Variants in ADCY5 observed in about 807,000 individuals in gnomAD.
ADCY5 encodes the protein adenylate cyclase type 5.
ADCY5 carries 30 observed loss-of-function variants against 119.7 expected under a neutral mutation model. The observed-to-expected ratio is 0.25, with a 90% CI of 0.19 to 0.34. The LOEUF (loss-of-function observed/expected upper bound fraction) is 0.34. Ranked by LOEUF, ADCY5 falls within the 10% of genes least tolerant of loss-of-function variation. ADCY5 has a pLI of 1.00. For synonymous variants in ADCY5, 753 were observed against 762.2 expected, an observed-to-expected ratio of 0.99 and a Z score of 0.20; for missense variants, 1,324 against 1,775.2, an observed-to-expected ratio of 0.75 and a Z score of 4.57.
intron 5 of ADCY5, 29 bp downstream of exon 5, chr3:123,330,860 G>C: frequency 2.5e-6 from 4 of 1,592,308 alleles, no homozygotes; most frequent in Non-Finnish European, 2.6e-6. Flanking sequence ...CCCAGGGAGG[G>C]AGACGGTACC....
intron 20 of ADCY5, among the ~76,000 whole-genome samples, chr3:123,285,552 G>A (rs1576517753): frequency 6.6e-6 from 1 of 152,344 alleles, no homozygotes; most frequent in Admixed American, 6.5e-5. Flanking sequence ...GCCCACCAGT[G>A]AGTGCAAGTG....
intron 1 of ADCY5, among the ~76,000 whole-genome samples, chr3:123,401,248 GT>G (rs1944743733): frequency 6.6e-6 from 1 of 152,164 alleles, no homozygotes; most frequent in African/African-American, 2.4e-5. Flanking sequence ...GCTCTAACAT[GT>G]CCGGGTAGGT....
intron 17 of ADCY5, among the ~76,000 whole-genome samples, chr3:123,292,919 C>A (rs1939246057): frequency 6.6e-6 from 1 of 152,174 alleles, no homozygotes; most frequent in Non-Finnish European, 1.5e-5. Flanking sequence ...ACAGCATCAG[C>A]CCAAAGTGTC....
rs1429944947 is a variant in ADCY5, at chr3:123,447,782, A to T, written c.764T>A (p.Val255Asp). ...CCGCGCCGCGTGGAAGGCCAACATG[A>T]CCAGGCACACGAGCACCAGCACGGC... ...LMAVLVLVCLVMLAFHAARPP... is the reference protein window; with the variant it reads ...LMAVLVLVCLDMLAFHAARPP... Residue 255 changes from valine (V) to aspartate (D), a missense_variant, in exon 1 of 21, where the codon GTC (valine) becomes GAC (aspartate). Transcript: ENST00000462833. 10 of 1,610,652 alleles carry T rather than the reference A, an allele frequency of 6.2e-6. No individual in the cohort carries two copies. Among genetic ancestry groups the T allele is most frequent in the African/African-American group, 1.3e-5 (1 of 74,800 alleles).
At chr3:123,429,431 T>G (rs1417763441) in intron 1 of ADCY5, among the ~76,000 whole-genome samples, 1 of 152,072 alleles carries the variant, frequency 6.6e-6, no homozygotes, top group Non-Finnish European at 1.5e-5. Context: ...TGAGTGCCTG[T>G]GCTCAGCCCC....
intron 1 of ADCY5, among the ~76,000 whole-genome samples, chr3:123,382,151 T>C (rs984963393): frequency 6.6e-6 from 1 of 152,126 alleles, no homozygotes; most frequent in African/African-American, 2.4e-5. Flanking sequence ...CATGGGACAC[T>C]CTTAAGCCAG....
At chr3:123,421,076 A>C (rs1264610207) in intron 1 of ADCY5, among the ~76,000 whole-genome samples, 1 of 152,148 alleles carries the variant, frequency 6.6e-6, no homozygotes, top group African/African-American at 2.4e-5. Context: ...GTCATTTGCA[A>C]AGACCCTATT....
chr3:123,388,700 C>G (rs2107579531), intron 1 of ADCY5, among the ~76,000 whole-genome samples: 1 of 152,310 alleles, frequency 6.6e-6, no homozygotes, highest in South Asian at 2.1e-4. Context: ...AGAGTGGGAA[C>G]AGCCAAAGAA....
chr3:123,341,476 G>T (rs1367937445), intron 3 of ADCY5, among the ~76,000 whole-genome samples: 4 of 151,980 alleles, frequency 2.6e-5, no homozygotes, highest in African/African-American at 7.3e-5. Context: ...GGAGCTTGGG[G>T]GAGGGAGGAT....
intron 1 of ADCY5, among the ~76,000 whole-genome samples, chr3:123,375,548 G>A (rs1436060894): frequency 2.6e-5 from 4 of 152,220 alleles, no homozygotes; most frequent in South Asian, 2.1e-4. Flanking sequence ...GAGAATGAGG[G>A]ATATTTATAA....
In ADCY5 at chr3:123,284,362, A is replaced by G. The variant is rs913277465; in HGVS notation, c.*246T>C. 5 of 531,886 alleles carry G rather than the reference A, an allele frequency of 9.4e-6. No individual in the cohort carries two copies. The highest frequency in any genetic ancestry group is 1.7e-5 in the Non-Finnish European group (5 of 299,142). 32.9% of individuals were successfully genotyped at this position (531,886 alleles called of 1,614,324 possible). A position where few individuals can be genotyped will look rare whatever the true frequency, so the allele number is the denominator to read the frequency against. ...ACTCAAGCTTCAGACCCAGTCTAGC[A>G]GAGTCTTCTACAGAGGGAAACATCT... On this transcript the variant is annotated 3_prime_UTR_variant, in exon 21 of 21. Coordinates refer to ENST00000462833, the MANE Select transcript of ADCY5 (RefSeq NM_183357.3).
chr3:123,312,056 G>A (rs1940618450), intron 12 of ADCY5, among the ~76,000 whole-genome samples: 1 of 152,144 alleles, frequency 6.6e-6, no homozygotes, highest in African/African-American at 2.4e-5. Context: ...GCCAGTGAAG[G>A]TGGCTGCAGG....
At chr3:123,381,365 C>T (rs1944024611) in intron 1 of ADCY5, among the ~76,000 whole-genome samples, 1 of 152,210 alleles carries the variant, frequency 6.6e-6, no homozygotes, top group African/African-American at 2.4e-5. Flanking sequence ...GGGAAGAAAT[C>T]ACTATACCTC....
intron 1 of ADCY5, among the ~76,000 whole-genome samples, chr3:123,366,247 G>C (rs1011024099): frequency 6.6e-6 from 1 of 152,338 alleles, no homozygotes; most frequent in South Asian, 2.1e-4. Context: ...TGTACAAAGG[G>C]GAGGCAGGAC....
chr3:123,357,990 A>G (rs1037189909), intron 1 of ADCY5, among the ~76,000 whole-genome samples: 1 of 152,222 alleles, frequency 6.6e-6, no homozygotes, highest in African/African-American at 2.4e-5. Context: ...AGGCAAAGTA[A>G]AAGTAAGTAT....
At chr3:123,391,929 C>T (rs62262399) in intron 1 of ADCY5, among the ~76,000 whole-genome samples, 28,677 of 152,190 alleles carry the variant, frequency 0.19, 3,035 homozygotes, top group Middle Eastern at 0.28. Context: ...ACTTCATCTC[C>T]GTCCCAGGGG....
chr3:123,296,753 C>T (rs1939540444), intron 16 of ADCY5, among the ~76,000 whole-genome samples: 1 of 152,372 alleles, frequency 6.6e-6, no homozygotes, highest in East Asian at 1.9e-4. Context: ...CTTAGCACAG[C>T]ATCTGACCAA....
At position 123,448,597 on chromosome 3, in the gene ADCY5, G is replaced by C. The variant is rs892502149; in HGVS notation, c.-52C>G. 7.9e-7 allele frequency: 1 copy of C among 1,265,812 alleles called. No individual in the cohort carries two copies. Among genetic ancestry groups the C allele is most frequent in the Non-Finnish European group, 9.9e-7 (1 of 1,007,668 alleles). 78.4% of individuals were successfully genotyped at this position (1,265,812 alleles called of 1,614,324 possible). Reference sequence around the variant, plus strand: ...CCTCCTCCCCCGGAAGCCGGGCCGGGGGTCTCCAAGGGGAGGGCGGACGGC... The same window carrying C: ...CCTCCTCCCCCGGAAGCCGGGCCGGCGGTCTCCAAGGGGAGGGCGGACGGC... On this transcript the variant is annotated 5_prime_UTR_variant, in exon 1 of 21. Coordinates refer to ENST00000462833, the MANE Select transcript of ADCY5 (RefSeq NM_183357.3).
At position 123,448,502 on chromosome 3, in the gene ADCY5, T is replaced by C. The variant is rs1406512689; in HGVS notation, c.44A>G (p.Gln15Arg). 1.6e-5 allele frequency: 20 copies of C among 1,270,546 alleles called. No homozygotes were observed. The African/African-American group carries it at 2.2e-4, about 14-fold the overall frequency. 78.7% of individuals were successfully genotyped at this position (1,270,546 alleles called of 1,614,324 possible). A position where few individuals can be genotyped will look rare whatever the true frequency, so the allele number is the denominator to read the frequency against. The change falls in exon 1 of 21, where the codon CAG (glutamine) becomes CGG (arginine). Residue 15 changes from glutamine to arginine, a missense_variant. Gln to Arg is a conservative substitution (Grantham distance 43). This residue lies in a region of ADCY5 where 585 missense variants were observed against 569.9 expected (regional missense o/e 1.03). Transcript: ENST00000462833. ...KSVSPPGYAA[Q>R]KTAAPAPRGG... ...CCGGGGCGCCGGCGCCGCAGTCTTC[T>C]GCGCCGCGTAGCCCGGGGGGCTCAC...
Sources: gnomAD v4.1 joint callset for allele counts (sites outside exome capture counted in the v4.1 genomes callset) on GRCh38, gnomAD v4.1.1 for gene constraint, gnomAD v4.1.1 regional missense constraint, MANE v1.5 for transcripts, NCBI Gene and HGNC (gene_info 2026-07-23, HGNC 2026-07-21) for gene names.